The following RNF17 variants were observed in gnomAD, a reference collection of about 807,000 sequenced individuals.
The protein encoded by RNF17 is spermatogenesis associated 23.
A neutral mutation model predicts 200.5 loss-of-function variants in RNF17; 31 were observed. The observed-to-expected ratio is 0.15, with a 90% confidence interval of 0.12 to 0.21. The LOEUF is 0.21. Ranked by LOEUF, RNF17 falls within the 10% of genes least tolerant of loss-of-function variation. The probability of loss-of-function intolerance (pLI) is 1.00; values close to 1 mark genes in which losing one functional copy is unlikely to be tolerated. For missense variants in RNF17, 1,628 were observed against 1,905.1 expected (o/e 0.85, Z 2.71); for synonymous variants, 606 against 637.8 (o/e 0.95, Z 0.75).
chr13:24,878,896 G>A (rs1375175384), intron 34 of RNF17, among the ~76,000 whole-genome samples: 1 of 152,128 alleles, frequency 6.6e-6, no homozygotes, highest in Non-Finnish European at 1.5e-5. Context: ...ATGCATAAAG[G>A]TATAATGCTT....
chr13:24,883,134 A>G (rs766950774), downstream of RNF17: 1 of 1,521,656 alleles, frequency 6.6e-7, no homozygotes, highest in Non-Finnish European at 9.1e-7. Flanking sequence ...ATTTTTTAAC[A>G]TAAAAAGTCA....
intron 13 of RNF17, 45 bp from the exon 14 acceptor site, chr13:24,802,336 C>T (rs1302951068): frequency 6.0e-6 from 9 of 1,491,046 alleles, no homozygotes; most frequent in Middle Eastern, 1.9e-4. Context: ...GTAACATTAG[C>T]GATACTTACA....
chr13:24,830,955 G>T (rs905840791), intron 17 of RNF17, among the ~76,000 whole-genome samples: 2 of 152,156 alleles, frequency 1.3e-5, no homozygotes, highest in Non-Finnish European at 2.9e-5. Flanking sequence ...AAGTATATAT[G>T]TGTGTACAAT....
At chr13:24,831,683 A>G (rs1160880763) in intron 17 of RNF17, among the ~76,000 whole-genome samples, 175 bp from the exon 18 acceptor site, 2 of 152,222 alleles carry the variant, frequency 1.3e-5, no homozygotes, top group Non-Finnish European at 2.9e-5. Context: ...GCTGATTTCA[A>G]TGATTTGTGT....
chr13:24,768,527 G>A lies in RNF17; in HGVS notation c.225+1161G>A, dbSNP rs186388574. 4.4e-3 allele frequency among the ~76,000 whole-genome samples: 663 copies of A among 152,054 alleles called. 4 individuals carry two copies. Among genetic ancestry groups the A allele is most frequent in the African/African-American group, 0.015 (628 of 41,480 alleles). On this transcript the variant is annotated intron_variant, in intron 2 of 35. Coordinates refer to ENST00000255324, the MANE Select transcript of RNF17 (RefSeq NM_031277.3). ...TCTCGATCTCCTCACCTCGTGATCC[G>A]CCCACCTCGGCCTCCCAAAGTGCTG...
chr13:24,826,155 ATTC>A (rs1888603400), intron 16 of RNF17: 5 of 915,374 alleles, frequency 5.5e-6, no homozygotes, highest in Non-Finnish European at 5.2e-6. Context: ...ATTTTAATAT[ATTC>A]TTCTTTCCTG....
At chr13:24,767,487 C>T (rs576082402) in intron 2 of RNF17, 121 bp downstream of exon 2, 21 of 632,262 alleles carry the variant, frequency 3.3e-5, no homozygotes, top group East Asian at 1.1e-4. Context: ...TGGTGGCTGA[C>T]GCCTGTAATC....
chr13:24,881,714 C>CTATCTAGATTATCTAGGTATAT (rs1953825506), downstream of RNF17, among the ~76,000 whole-genome samples: 1 of 147,760 alleles, frequency 6.8e-6, no homozygotes, highest in East Asian at 2.1e-4. Context: ...TCTAGGTATA[C>CTATCTAGATTATCTAGGTATAT]AGATATATCT....
At chr13:24,780,594 C>G (rs1242326349) in intron 5 of RNF17, among the ~76,000 whole-genome samples, 2 of 152,162 alleles carry the variant, frequency 1.3e-5, no homozygotes, top group Non-Finnish European at 2.9e-5. Context: ...AAAAATCTCA[C>G]CTTCTGGGCA....
Position 24,833,774 on chromosome 13 carries a change from A to G in RNF17, c.2482+1796A>G, listed in dbSNP as rs866129476. Among the ~76,000 whole-genome samples the G allele has an allele frequency of 6.6e-5, 10 of 152,374 alleles. No homozygotes were observed. In the Middle Eastern group the frequency reaches 0.014, roughly 207 times the overall value. ...GCACAGCAGTAAAATTGTGAGTTCAAGACCTTTATAATAAAGTGAACTACC... is the reference window on the plus strand; with the variant it reads ...GCACAGCAGTAAAATTGTGAGTTCAGGACCTTTATAATAAAGTGAACTACC... On this transcript the variant is annotated intron_variant, in intron 18 of 35. Coordinates refer to ENST00000255324, the MANE Select transcript of RNF17 (RefSeq NM_031277.3).
chr13:24,881,980 C>A (rs868517613), downstream of RNF17, among the ~76,000 whole-genome samples: 2 of 3,382 alleles, frequency 5.9e-4, no homozygotes, highest in Non-Finnish European at 8.7e-4. Flanking sequence ...ATAGATACAT[C>A]TAGATATATA....
the RNF17 span, among the ~76,000 whole-genome samples, chr13:24,755,181 A>G: frequency 6.6e-6 from 1 of 152,206 alleles, no homozygotes; most frequent in South Asian, 2.1e-4. Flanking sequence ...TTTATTAACA[A>G]TAAACACTGT....
intron 9 of RNF17, among the ~76,000 whole-genome samples, chr13:24,792,753 A>G (rs1356544113): frequency 6.6e-6 from 1 of 152,232 alleles, no homozygotes; most frequent in African/African-American, 2.4e-5. Context: ...TGAAGAAGCT[A>G]AATCCATCAT....
chr13:24,873,588 A>C (rs1046203790), intron 32 of RNF17, among the ~76,000 whole-genome samples: 1 of 152,202 alleles, frequency 6.6e-6, no homozygotes, highest in Non-Finnish European at 1.5e-5. Flanking sequence ...TTAATCTGAA[A>C]TATACAATCC....
At chr13:24,881,860 A>ATATATAGATACATC (rs1566272543), downstream of RNF17, among the ~76,000 whole-genome samples, 1 of 104,526 alleles carries the variant, frequency 9.6e-6, no homozygotes, top group African/African-American at 3.2e-5. Context: ...ATCTATATAG[A>ATATATAGATACATC]TATATAGATA....
rs558943970 is a variant in RNF17 at position 24,879,274 on chromosome 13, A to G, written c.4861A>G (p.Lys1621Glu). Residue 1621 changes from lysine (K) to glutamate (E), a missense_variant, in exon 35 of 36, where the codon AAA becomes GAA. Physicochemically the swap from Lys to Glu is moderately conservative, Grantham distance 56. This residue lies in a region of RNF17 where 609 missense variants were observed against 681.9 expected (regional missense o/e 0.89). Transcript: ENST00000255324. ...GTTGGTAGAAATGGGGCTTGCAGAT[A>G]AAGATGAATAAGTGCCTAAGTGTAA... is the stretch of plus-strand genomic sequence containing the variant. ...MPLVEMGLAD[K>E]DE The G allele has an allele frequency of 5.0e-6, 8 of 1,606,750 alleles. No individual in the cohort carries two copies. The South Asian group carries it at 8.8e-5, about 18-fold the overall frequency.
At position 24,771,802 on chromosome 13, in the gene RNF17, C is replaced by T. The variant is rs569159077; in HGVS notation, c.226-3011C>T. The stretch of plus-strand genomic sequence containing the variant: ...GGGTGGATCACATGAGGTCGGGAGT[C>T]GAGACCAGTCTGACCAACATGGAGA... On this transcript the variant is annotated intron_variant, in intron 2 of 35. Transcript: ENST00000255324. Among the ~76,000 whole-genome samples, 6 of 151,974 alleles carry T rather than the reference C, an allele frequency of 3.9e-5. No homozygotes were observed. The East Asian group carries it at 5.8e-4, about 15-fold the overall frequency.
At position 24,764,493 on chromosome 13, in the gene RNF17, G is replaced by A. The variant is rs1302817869; in HGVS notation, c.130+160G>A. ...CCCGCGAGCTGCACCCGACCTCTAA[G>A]AGGGCAGTGCTTGGGTTGGTTAAGG... On this transcript the variant is annotated intron_variant, in intron 1 of 35. Transcript: ENST00000255324. 5 of 684,950 alleles carry A rather than the reference G, an allele frequency of 7.3e-6. No homozygotes were observed. In the African/African-American group the frequency reaches 7.8e-5, roughly 11 times the overall value. The allele number at this position is 684,950 out of a possible 1,614,324, so 42.4% of individuals were successfully genotyped here. A position where few individuals can be genotyped will look rare whatever the true frequency, so the allele number is the denominator to read the frequency against.
chr13:24,868,747 A>T (rs758802299), intron 31 of RNF17, 31 bp downstream of exon 31: 1 of 1,128,918 alleles, frequency 8.9e-7, no homozygotes, highest in East Asian at 2.3e-5. Context: ...GTTGGTGATT[A>T]AAAATGTAAC....
Sources: gnomAD v4.1 joint callset for allele counts (sites outside exome capture counted in the v4.1 genomes callset) on GRCh38, gnomAD v4.1.1 for gene constraint, gnomAD v4.1.1 regional missense constraint, MANE v1.5 for transcripts, NCBI Gene and HGNC (gene_info 2026-07-23, HGNC 2026-07-21) for gene names.